The following BCKDHB variants were observed in gnomAD, a reference collection of about 807,000 sequenced individuals.
BCKDHB encodes branched chain keto acid dehydrogenase E1 subunit beta, also known as 2-oxoisovalerate dehydrogenase subunit beta, mitochondrial.
In BCKDHB, 41 loss-of-function variants were observed where a neutral mutation model predicts 48.5. That is an observed-to-expected ratio of 0.85 (90% CI 0.66 to 1.10). The LOEUF (loss-of-function observed/expected upper bound fraction) is 1.10. Ranked by LOEUF, BCKDHB falls within the 50% of genes least tolerant of loss-of-function variation. BCKDHB has a pLI of 0.00. For missense variants in BCKDHB, 496 were observed against 494.2 expected (o/e 1.00, Z -0.03); for synonymous variants, 201 against 174.8 (o/e 1.15, Z -1.18).
chr6:80,135,583 T>A (rs1464784515), intron 3 of BCKDHB, among the ~76,000 whole-genome samples: 1 of 152,206 alleles, frequency 6.6e-6, no homozygotes, highest in African/African-American at 2.4e-5. Flanking sequence ...AAGGTGCACA[T>A]GTTGGCAGAA....
chr6:80,408,596 T>A, the BCKDHB span, among the ~76,000 whole-genome samples: 1 of 152,142 alleles, frequency 6.6e-6, no homozygotes, highest in African/African-American at 2.4e-5. Context: ...AGGTTGTATG[T>A]GTCCCAGAAT....
chr6:80,151,230 G>A (rs1021754038), intron 3 of BCKDHB, among the ~76,000 whole-genome samples: 9 of 152,116 alleles, frequency 5.9e-5, no homozygotes, highest in Admixed American at 3.9e-4. Context: ...ACTCATTGGA[G>A]TGTGAACTAG....
chr6:80,273,703 T>G (rs1777849653), intron 9 of BCKDHB, among the ~76,000 whole-genome samples: 1 of 152,026 alleles, frequency 6.6e-6, no homozygotes, highest in Non-Finnish European at 1.5e-5. Context: ...TTTTGAAAAT[T>G]ATTTATTTTA....
At chr6:80,419,823 C>G in the BCKDHB span, among the ~76,000 whole-genome samples, 1 of 152,204 alleles carries the variant, frequency 6.6e-6, no homozygotes, top group Non-Finnish European at 1.5e-5. Context: ...TCCTTTTTCA[C>G]TCTTTTAATT....
chr6:80,221,963 G>A (rs148009333), intron 8 of BCKDHB, among the ~76,000 whole-genome samples: 9 of 152,060 alleles, frequency 5.9e-5, no homozygotes, highest in African/African-American at 1.7e-4. Context: ...TTTTTAAAAC[G>A]TTTTATTTTA....
chr6:80,210,885 T>C (rs1452260829), intron 8 of BCKDHB, among the ~76,000 whole-genome samples: 1 of 152,146 alleles, frequency 6.6e-6, no homozygotes, highest in Non-Finnish European at 1.5e-5. Flanking sequence ...CCTGCTGACA[T>C]GCAGACCACA....
chr6:80,167,430 C>T (rs550194417), intron 3 of BCKDHB, among the ~76,000 whole-genome samples: 4 of 151,724 alleles, frequency 2.6e-5, no homozygotes, highest in Admixed American at 6.6e-5. Context: ...TTAATAGAGA[C>T]AGGTTTTCAC....
Position 80,239,871 on chromosome 6 carries a change from A to C in BCKDHB, c.952-33264A>C, listed in dbSNP as rs185579035. Among the ~76,000 whole-genome samples the C allele has an allele frequency of 7.0e-4, 106 of 152,168 alleles. 3 individuals are homozygous for C. The East Asian group carries it at 0.015, about 21-fold the overall frequency. ...TTATTAAATAGGGAATCCTTTCCCC[A>C]TTTCTTGTTTATGTCAGGTTTGTCA... is the stretch of plus-strand genomic sequence containing the variant. On this transcript the variant is annotated intron_variant, in intron 8 of 9. Coordinates refer to ENST00000320393, the MANE Select transcript of BCKDHB (RefSeq NM_183050.4).
the BCKDHB span, among the ~76,000 whole-genome samples, chr6:80,434,065 C>G: frequency 6.6e-6 from 1 of 152,008 alleles, no homozygotes; most frequent in Admixed American, 6.6e-5. Context: ...AATTGTTTTA[C>G]TCTTTTGAGC....
the BCKDHB span, among the ~76,000 whole-genome samples, chr6:80,399,330 A>G: frequency 3.9e-5 from 6 of 152,250 alleles, no homozygotes; most frequent in Non-Finnish European, 7.4e-5. Context: ...TGCAAACAAC[A>G]TAATTCTTAT....
At chr6:80,156,108 A>C (rs1772034593) in intron 3 of BCKDHB, among the ~76,000 whole-genome samples, 1 of 152,056 alleles carries the variant, frequency 6.6e-6, no homozygotes, top group Non-Finnish European at 1.5e-5. Context: ...GGTGTTAACC[A>C]ACCCTCTGTG....
the BCKDHB span, chr6:80,374,438 G>A: frequency 3.9e-6 from 3 of 765,760 alleles, no homozygotes; most frequent in African/African-American, 5.1e-5. Context: ...GATATTTTGT[G>A]GCTTTTCATA....
At chr6:80,463,907 C>T in the BCKDHB span, among the ~76,000 whole-genome samples, 3 of 152,054 alleles carry the variant, frequency 2.0e-5, no homozygotes, top group African/African-American at 7.2e-5. Flanking sequence ...TCTGCTGTTC[C>T]CTATGTCTGA....
intron 1 of BCKDHB, among the ~76,000 whole-genome samples, chr6:80,109,959 A>G (rs1769326758): frequency 1.3e-5 from 2 of 152,204 alleles, no homozygotes; most frequent in Non-Finnish European, 2.9e-5. Flanking sequence ...CACACTACTT[A>G]TATACTAAGA....
chr6:80,263,917 C>T (rs1258085403), intron 8 of BCKDHB, among the ~76,000 whole-genome samples: 1 of 151,984 alleles, frequency 6.6e-6, no homozygotes, highest in Admixed American at 6.6e-5. Flanking sequence ...CCTCTGTTGT[C>T]AACACTTGAG....
At chr6:80,221,300 C>G (rs1775442071) in intron 8 of BCKDHB, among the ~76,000 whole-genome samples, 2 of 152,108 alleles carry the variant, frequency 1.3e-5, no homozygotes, top group Admixed American at 1.3e-4. Context: ...TCTCTCTTGT[C>G]TAATAATCAC....
At chr6:80,215,144 T>C (rs1419456319) in intron 8 of BCKDHB, among the ~76,000 whole-genome samples, 1 of 152,136 alleles carries the variant, frequency 6.6e-6, no homozygotes, top group Non-Finnish European at 1.5e-5. Context: ...TAGGGAAAAA[T>C]GGTCTCATTT....
chr6:80,352,109 C>T, the BCKDHB span, among the ~76,000 whole-genome samples: 1 of 151,730 alleles, frequency 6.6e-6, no homozygotes, highest in South Asian at 2.1e-4. Flanking sequence ...CAGGCGTTAG[C>T]CACTGCGCCC....
rs145101575 is a variant in BCKDHB at position 80,344,040 on chromosome 6, G to A, written c.*236G>A. ...TTCTGAGATGGAGTCTCACTCTGTC[G>A]CCCAGGCTAGACTGCAGTGGTGCAA... is the stretch of plus-strand genomic sequence containing the variant. On this transcript the variant is annotated 3_prime_UTR_variant, in exon 10 of 10. Transcript: ENST00000320393. 27,009 of 524,386 alleles carry A rather than the reference G, an allele frequency of 0.052. 841 individuals are homozygous for A. The highest frequency in any genetic ancestry group is 0.068 in the Admixed American group (2,418 of 35,390). The allele number at this position is 524,386 out of a possible 1,614,324, so 32.5% of individuals were successfully genotyped here.
Sources: gnomAD v4.1 joint callset for allele counts (sites outside exome capture counted in the v4.1 genomes callset) on GRCh38, gnomAD v4.1.1 for gene constraint, MANE v1.5 for transcripts, NCBI Gene and HGNC (gene_info 2026-07-23, HGNC 2026-07-21) for gene names.